Variants in INPP4A observed in about 807,000 individuals in gnomAD.
INPP4A encodes inositol polyphosphate-4-phosphatase type I A, also known as inositol polyphosphate-4-phosphatase, type I, 107kD.
Under a neutral mutation model 119.8 loss-of-function variants are expected in INPP4A, and 33 were observed. The observed-to-expected ratio is 0.28, with a 90% confidence interval of 0.21 to 0.37. INPP4A has a LOEUF of 0.37. INPP4A is among the 10% of genes least tolerant of loss of function. INPP4A has a pLI of 1.00. For synonymous variants in INPP4A, 496 were observed against 500.7 expected (o/e 0.99, Z 0.12); for missense variants, 956 against 1,289.9 (o/e 0.74, Z 3.97).
intron 1 of INPP4A, among the ~76,000 whole-genome samples, chr2:98,511,752 T>C (rs1338485848): frequency 1.3e-5 from 2 of 152,208 alleles, no homozygotes; most frequent in Non-Finnish European, 2.9e-5. Flanking sequence ...GATGGGACCC[T>C]GTGGAAGGTC....
At position 98,589,738 on chromosome 2, in the gene INPP4A, C is replaced by G. The variant is rs1345784268; in HGVS notation, c.*2130C>G. Reference sequence around the variant, plus strand: ...TGTGGCACAGAGGCAAGCAGCTCCTCTCTTCTGTAGGAGCTTTGGGTTTTC... The same window carrying G: ...TGTGGCACAGAGGCAAGCAGCTCCTGTCTTCTGTAGGAGCTTTGGGTTTTC... On this transcript the variant is annotated 3_prime_UTR_variant, in exon 25 of 25. Coordinates refer to ENST00000409851, the MANE Select transcript of INPP4A (RefSeq NM_001134225.2). The G allele has an allele frequency of 5.5e-6, 1 of 182,118 alleles. No homozygotes were observed. The highest frequency in any genetic ancestry group is 1.2e-5 in the Non-Finnish European group (1 of 85,502). 11.3% of individuals were successfully genotyped at this position (182,118 alleles called of 1,614,324 possible). A position where few individuals can be genotyped will look rare whatever the true frequency, so the allele number is the denominator to read the frequency against.
At chr2:98,495,148 T>A (rs1681678349) in intron 1 of INPP4A, among the ~76,000 whole-genome samples, 2 of 149,200 alleles carry the variant, frequency 1.3e-5, no homozygotes, top group South Asian at 4.1e-4. Context: ...AGCTAAGATG[T>A]CATTTTCAAC....
At chr2:98,503,746 G>A (rs1683556192) in intron 1 of INPP4A, among the ~76,000 whole-genome samples, 3 of 152,194 alleles carry the variant, frequency 2.0e-5, no homozygotes, top group Admixed American at 2.0e-4. Flanking sequence ...GGCATTTCAG[G>A]TCATCAAACC....
intron 4 of INPP4A, among the ~76,000 whole-genome samples, chr2:98,523,366 G>GT (rs1015019164): frequency 1.9e-4 from 29 of 151,328 alleles, no homozygotes; most frequent in African/African-American, 2.2e-4. Flanking sequence ...TTTTACCCCA[G>GT]TTTTTTTTGT....
chr2:98,527,815 C>T (rs901668527), intron 4 of INPP4A, among the ~76,000 whole-genome samples: 2 of 152,140 alleles, frequency 1.3e-5, no homozygotes, highest in African/African-American at 4.8e-5. Context: ...CTTCAGTGGC[C>T]ACACATGACA....
intron 24 of INPP4A, 94 bp downstream of exon 24, chr2:98,577,237 C>A: frequency 1.5e-6 from 2 of 1,307,584 alleles, no homozygotes; most frequent in South Asian, 1.6e-5. Context: ...AGGGCCTACC[C>A]TGCATGAGCC....
rs1691020408 is a variant in INPP4A at position 98,539,674 on chromosome 2, A to G, written c.817A>G (p.Arg273Gly). The G allele has an allele frequency of 6.2e-7, 1 of 1,606,454 alleles. No individual in the cohort carries two copies. The highest frequency in any genetic ancestry group is 1.3e-5 in the African/African-American group (1 of 74,336). ...GCTCCTACTAGAGGAAGATGCAGCC[A>G]GGTGAGGCCACATGGAAGGACTGAC... is the stretch of plus-strand genomic sequence containing the variant. ...VKLLLEEDAA[R>G]VCELEELGEL... Residue 273 changes from arginine (R) to glycine (G), a missense_variant and splice_region_variant, in exon 10 of 25, where the codon AGA becomes GGA. This residue lies in a region of INPP4A where 652 missense variants were observed against 797.9 expected (regional missense o/e 0.82). Coordinates refer to ENST00000409851, the MANE Select transcript of INPP4A (RefSeq NM_001134225.2).
chr2:98,454,423 T>G (rs1019071714), intron 1 of INPP4A, among the ~76,000 whole-genome samples: 3 of 152,130 alleles, frequency 2.0e-5, no homozygotes, highest in African/African-American at 7.2e-5. Context: ...TGGATTGTAG[T>G]GCTGGATGTG....
intron 4 of INPP4A, among the ~76,000 whole-genome samples, chr2:98,526,035 A>G (rs1253911127): frequency 6.6e-6 from 1 of 152,278 alleles, no homozygotes; most frequent in African/African-American, 2.4e-5. Context: ...TTAATAGTTC[A>G]AAACGGAAAA....
At position 98,532,773 on chromosome 2, in the gene INPP4A, A is replaced by G. The variant is rs557933348; in HGVS notation, c.152-604A>G. 2.0e-4 allele frequency among the ~76,000 whole-genome samples: 31 copies of G among 152,210 alleles called. No homozygotes were observed. The South Asian group carries it at 5.8e-3, about 29-fold the overall frequency. On this transcript the variant is annotated intron_variant, in intron 4 of 24. Transcript: ENST00000409851. Reference sequence around the variant, plus strand: ...GCTATGACATCCCTAGGCAATAGGAATTTTTCAGCTCCATTATAATCTGTG... The same window carrying G: ...GCTATGACATCCCTAGGCAATAGGAGTTTTTCAGCTCCATTATAATCTGTG...
chr2:98,448,913 C>G (rs757009226), intron 1 of INPP4A, among the ~76,000 whole-genome samples: 13 of 152,060 alleles, frequency 8.5e-5, no homozygotes, highest in Non-Finnish European at 1.8e-4. Context: ...CTGTGTTGCC[C>G]AGGCTGGTCT....
In INPP4A at chr2:98,557,479, A is replaced by T. The variant is rs113296208; in HGVS notation, c.1822+1671A>T. The stretch of plus-strand genomic sequence containing the variant: ...ATTTATTTTGGTGAGTCTTGTCCAC[A>T]GTGCCACAGCATGGCTCTGTCATGA... On this transcript the variant is annotated intron_variant, in intron 16 of 24. Coordinates refer to ENST00000409851, the MANE Select transcript of INPP4A (RefSeq NM_001134225.2). 4.8e-3 allele frequency among the ~76,000 whole-genome samples: 725 copies of T among 152,368 alleles called. 6 individuals carry two copies. Among genetic ancestry groups the T allele is most frequent in the African/African-American group, 0.017 (694 of 41,594 alleles).
At chr2:98,587,368 A>G in intron 24 of INPP4A, 108 bp from the exon 25 acceptor site, 1 of 1,172,828 alleles carries the variant, frequency 8.5e-7, no homozygotes, top group Non-Finnish European at 1.2e-6. Context: ...ATTTAAATTA[A>G]TCTTTTTTTT....
At chr2:98,514,415 G>C (rs957817043) in intron 1 of INPP4A, among the ~76,000 whole-genome samples, 3 of 152,110 alleles carry the variant, frequency 2.0e-5, no homozygotes, top group South Asian at 4.1e-4. Flanking sequence ...GTATATCTTT[G>C]TATGCTAATG....
At chr2:98,580,214 G>A (rs996679705) in intron 24 of INPP4A, among the ~76,000 whole-genome samples, 6 of 151,292 alleles carry the variant, frequency 4.0e-5, no homozygotes, top group African/African-American at 1.2e-4. Context: ...TTTCTGGCTT[G>A]CATCTTATCA....
At chr2:98,469,922 C>G (rs1675639872) in intron 1 of INPP4A, among the ~76,000 whole-genome samples, 1 of 152,344 alleles carries the variant, frequency 6.6e-6, no homozygotes, top group Non-Finnish European at 1.5e-5. Flanking sequence ...TCAGTCCCCT[C>G]CTTCTCTCAG....
chr2:98,482,910 T>G (rs1678770084), intron 1 of INPP4A, among the ~76,000 whole-genome samples: 1 of 152,216 alleles, frequency 6.6e-6, no homozygotes. Context: ...TGACATGACC[T>G]TCAGAGGAAA....
intron 1 of INPP4A, among the ~76,000 whole-genome samples, chr2:98,479,434 A>T (rs1574635234): frequency 6.6e-6 from 1 of 152,188 alleles, no homozygotes; most frequent in African/African-American, 2.4e-5. Context: ...CAATAAATAC[A>T]TAGTCAGTGG....
intron 4 of INPP4A, among the ~76,000 whole-genome samples, chr2:98,523,453 G>A (rs1370748390): frequency 2.0e-5 from 3 of 150,340 alleles, no homozygotes; most frequent in Non-Finnish European, 4.4e-5. Flanking sequence ...GGAGTGCAGT[G>A]GCACAATCTC....
Sources: allele counts gnomAD v4.1 joint callset (sites outside exome capture counted in the v4.1 genomes callset), GRCh38; gene constraint gnomAD v4.1.1; regional missense constraint gnomAD v4.1.1; transcripts MANE v1.5; gene names NCBI Gene and HGNC (gene_info 2026-07-23, HGNC 2026-07-21).